COL5A2: variants seen among roughly 807,000 people sequenced by gnomAD.
The protein encoded by COL5A2 is collagen alpha-2(V) chain.
Under a neutral mutation model 208.2 loss-of-function variants are expected in COL5A2, and 23 were observed. That is an observed-to-expected ratio of 0.11 (90% confidence interval 0.08 to 0.16). The LOEUF is 0.16. Among genes scored for constraint, COL5A2 ranks in the 10% least tolerant of loss-of-function variants. The pLI, the probability that COL5A2 is intolerant of heterozygous loss-of-function variation, is 1.00. For missense variants in COL5A2, 1,590 were observed against 1,956.4 expected (o/e 0.81, Z 3.53); for synonymous variants, 625 against 628.5 (o/e 0.99, Z 0.08).
In COL5A2 at chr2:189,168,728, T is replaced by G. The variant is rs562144620; in HGVS notation, c.97+10780A>C. The stretch of plus-strand genomic sequence containing the variant: ...TTCAGAATTCCATAATAAAAAAAAT[T>G]TAAAGTTGATGACCACAGAACAACC... On this transcript the variant is annotated intron_variant, in intron 1 of 53. Coordinates refer to ENST00000374866, the MANE Select transcript of COL5A2 (RefSeq NM_000393.5). Among the ~76,000 whole-genome samples the G allele has an allele frequency of 2.6e-5, 4 of 152,224 alleles. No homozygotes were observed. In the East Asian group the frequency reaches 7.7e-4, roughly 29 times the overall value.
intron 1 of COL5A2, among the ~76,000 whole-genome samples, chr2:189,166,756 G>A (rs746768989): frequency 1.3e-5 from 2 of 152,148 alleles, no homozygotes; most frequent in African/African-American, 4.8e-5. Context: ...GTTGATTCTC[G>A]TGGCGAGAAA....
the COL5A2 span, among the ~76,000 whole-genome samples, chr2:189,361,008 T>C: frequency 6.6e-6 from 1 of 151,936 alleles, no homozygotes; most frequent in African/African-American, 2.4e-5. Context: ...AATTGTTTTG[T>C]GACATGCCGT....
At chr2:189,162,328 T>C (rs1366011667) in intron 1 of COL5A2, among the ~76,000 whole-genome samples, 1 of 152,204 alleles carries the variant, frequency 6.6e-6, no homozygotes, top group Non-Finnish European at 1.5e-5. Flanking sequence ...TGAAGGTAAA[T>C]GCCTCATAAC....
At chr2:189,179,777 G>T, upstream of COL5A2, 2 of 1,035,762 alleles carry the variant, frequency 1.9e-6, no homozygotes, top group Non-Finnish European at 2.8e-6. Flanking sequence ...CTTTTTTCAA[G>T]CGATGCAGCT....
At chr2:189,183,331 C>G (rs1688806670), upstream of COL5A2, among the ~76,000 whole-genome samples, 1 of 152,146 alleles carries the variant, frequency 6.6e-6, no homozygotes, top group Admixed American at 6.5e-5. Flanking sequence ...TTTCTAATTC[C>G]TCTCAGAAAG....
chr2:189,175,250 G>A (rs1688653261), intron 1 of COL5A2, among the ~76,000 whole-genome samples: 2 of 152,118 alleles, frequency 1.3e-5, no homozygotes, highest in South Asian at 2.1e-4. Flanking sequence ...CCGGCCAACT[G>A]TAAGTAAGTT....
At chr2:189,201,473 G>C (rs1423820999) in intron 1 of COL5A2, among the ~76,000 whole-genome samples, 1 of 151,908 alleles carries the variant, frequency 6.6e-6, no homozygotes, top group African/African-American at 2.4e-5. Flanking sequence ...AAGTAATAGA[G>C]ATTAGAGTAC....
chr2:189,168,237 G>GTTT (rs34356887), intron 1 of COL5A2, among the ~76,000 whole-genome samples: 17 of 139,652 alleles, frequency 1.2e-4, no homozygotes, highest in African/African-American at 2.1e-4. Flanking sequence ...CTGTGCCCGG[G>GTTT]TTTTTTTTTT....
At chr2:189,253,254 T>C in the COL5A2 span, among the ~76,000 whole-genome samples, 31 of 152,348 alleles carry the variant, frequency 2.0e-4, no homozygotes, top group African/African-American at 6.0e-4. Context: ...TTAATAGTTA[T>C]GTGGTTCTGG....
At chr2:189,315,154 C>T in the COL5A2 span, among the ~76,000 whole-genome samples, 3 of 152,116 alleles carry the variant, frequency 2.0e-5, no homozygotes, top group Non-Finnish European at 4.4e-5. Flanking sequence ...ACTTGATGAA[C>T]ACTGATGCAA....
chr2:189,398,123 T>C, the COL5A2 span, among the ~76,000 whole-genome samples: 1 of 152,190 alleles, frequency 6.6e-6, no homozygotes, highest in African/African-American at 2.4e-5. Flanking sequence ...CATTAATTTC[T>C]AGTAATAATC....
intron 1 of COL5A2, among the ~76,000 whole-genome samples, chr2:189,151,691 T>C (rs1029193350): frequency 2.0e-5 from 3 of 152,196 alleles, no homozygotes; most frequent in Admixed American, 2.0e-4. Flanking sequence ...CCTTCTTCAC[T>C]GTAAAACCCA....
At chr2:189,208,252 G>A (rs1689165245) in intron 1 of COL5A2, among the ~76,000 whole-genome samples, 1 of 152,122 alleles carries the variant, frequency 6.6e-6, no homozygotes, top group African/African-American at 2.4e-5. Flanking sequence ...ACTCCACATA[G>A]CAGGAACCAA....
chr2:189,223,718 T>G (rs1224672791), intron 1 of COL5A2, among the ~76,000 whole-genome samples: 1 of 152,176 alleles, frequency 6.6e-6, no homozygotes, highest in African/African-American at 2.4e-5. Context: ...CCATCCTGTA[T>G]ATTTCTATTT....
At chr2:189,386,391 A>G in the COL5A2 span, among the ~76,000 whole-genome samples, 1 of 152,140 alleles carries the variant, frequency 6.6e-6, no homozygotes, top group Non-Finnish European at 1.5e-5. Flanking sequence ...AAGAAAAGCT[A>G]GGAAATACCC....
Position 189,068,264 on chromosome 2 carries a change from T to C in COL5A2, c.1264A>G (p.Ile422Val), listed in dbSNP as rs1391129049. 13 of 1,612,488 alleles carry C rather than the reference T, an allele frequency of 8.1e-6. No homozygotes were observed. The highest frequency in any genetic ancestry group is 5.3e-5 in the African/African-American group (4 of 74,844). Residue 422 changes from isoleucine (I) to valine (V), a missense_variant, in exon 20 of 54, where the codon ATA (isoleucine) becomes GTA (valine). Transcript: ENST00000374866. ...PVGSPGLPGA[I>V]GTDGTPGAKG... Reference sequence around the variant, plus strand: ...GCACCAGGAGTACCATCAGTTCCTATTGCACCCTAAAAGGTACATTAAAAG... The same window carrying C: ...GCACCAGGAGTACCATCAGTTCCTACTGCACCCTAAAAGGTACATTAAAAG...
chr2:189,358,747 A>G, the COL5A2 span, among the ~76,000 whole-genome samples: 1 of 152,160 alleles, frequency 6.6e-6, no homozygotes, highest in African/African-American at 2.4e-5. Context: ...CTTCTCTTCA[A>G]TTTCTTTCAT....
At chr2:189,257,897 G>A in the COL5A2 span, among the ~76,000 whole-genome samples, 1 of 151,966 alleles carries the variant, frequency 6.6e-6, no homozygotes, top group African/African-American at 2.4e-5. Context: ...GGCAGATCAC[G>A]AGGTCAGGAG....
chr2:189,135,012 T>A (rs1305813587), intron 1 of COL5A2, among the ~76,000 whole-genome samples: 1 of 152,208 alleles, frequency 6.6e-6, no homozygotes, highest in Non-Finnish European at 1.5e-5. Context: ...AGTATTCATA[T>A]CTCCAGCTCA....
Sources: allele counts gnomAD v4.1 joint callset (sites outside exome capture counted in the v4.1 genomes callset), GRCh38; gene constraint gnomAD v4.1.1; transcripts MANE v1.5; gene names NCBI Gene and HGNC (gene_info 2026-07-23, HGNC 2026-07-21).